NAV2: variants seen among roughly 807,000 people sequenced by gnomAD.
NAV2 encodes the protein neuron navigator 2, also known as helicase, APC down-regulated 1.
In NAV2, 54 loss-of-function variants were observed where a neutral mutation model predicts 223.2. That is an observed-to-expected ratio of 0.24 (90% CI 0.19 to 0.30). NAV2 has a LOEUF of 0.30. Ranked by LOEUF, NAV2 falls within the 10% of genes least tolerant of loss-of-function variation. The pLI is 1.00. For missense variants in NAV2, 2,806 were observed against 3,147.5 expected (o/e 0.89, Z 2.60); for synonymous variants, 1,279 against 1,239.3 (o/e 1.03, Z -0.67).
At chr11:20,110,700 C>T (rs1170834062) in intron 36 of NAV2, among the ~76,000 whole-genome samples, 1 of 152,004 alleles carries the variant, frequency 6.6e-6, no homozygotes, top group East Asian at 1.9e-4. Flanking sequence ...TGGAGTTCTC[C>T]CTATGATTTC....
intron 1 of NAV2, among the ~76,000 whole-genome samples, chr11:19,780,065 G>A (rs572695414): frequency 1.3e-5 from 2 of 152,192 alleles, no homozygotes; most frequent in Non-Finnish European, 2.9e-5. Flanking sequence ...CTTGCTTCAT[G>A]TTCTATTTTA....
intron 1 of NAV2, among the ~76,000 whole-genome samples, chr11:19,486,525 C>T (rs1175507035): frequency 6.6e-6 from 1 of 152,120 alleles, no homozygotes; most frequent in Non-Finnish European, 1.5e-5. Flanking sequence ...TAAGTTCTCA[C>T]GAGAACTGAT....
At chr11:19,638,415 C>T (rs2135541998) in intron 1 of NAV2, among the ~76,000 whole-genome samples, 1 of 152,306 alleles carries the variant, frequency 6.6e-6, no homozygotes, top group East Asian at 1.9e-4. Flanking sequence ...AGGAGTAAGA[C>T]ATATGTGGTG....
intron 6 of NAV2, among the ~76,000 whole-genome samples, chr11:19,909,694 G>C (rs988503560): frequency 6.6e-6 from 1 of 152,078 alleles, no homozygotes; most frequent in Non-Finnish European, 1.5e-5. Flanking sequence ...AGCAAGCTTG[G>C]TCTTTTTCTT....
intron 6 of NAV2, among the ~76,000 whole-genome samples, chr11:19,910,716 G>A (rs560691355): frequency 1.3e-5 from 2 of 152,224 alleles, no homozygotes; most frequent in African/African-American, 4.8e-5. Context: ...AAATTAGCCA[G>A]GCGTGGTGGT....
intron 1 of NAV2, among the ~76,000 whole-genome samples, chr11:19,820,327 A>C (rs2059306797): frequency 6.6e-6 from 1 of 152,258 alleles, no homozygotes. Flanking sequence ...GCATCTGATT[A>C]GTCAGTAACT....
chr11:19,761,416 A>G (rs2054722980), intron 1 of NAV2, among the ~76,000 whole-genome samples: 1 of 152,238 alleles, frequency 6.6e-6, no homozygotes. Flanking sequence ...TGATATGCTC[A>G]GGAGTGACAG....
chr11:19,473,569 G>A (rs920618639), intron 1 of NAV2, among the ~76,000 whole-genome samples: 1 of 152,108 alleles, frequency 6.6e-6, no homozygotes, highest in African/African-American at 2.4e-5. Flanking sequence ...GGTACAACCT[G>A]GAAGTTTTTC....
At chr11:19,937,247 G>A (rs1185973248) in intron 7 of NAV2, among the ~76,000 whole-genome samples, 1 of 152,112 alleles carries the variant, frequency 6.6e-6, no homozygotes, top group Non-Finnish European at 1.5e-5. Flanking sequence ...TGGAAAATGA[G>A]AAGATTGGAT....
chr11:19,510,514 C>A (rs1590367015), intron 1 of NAV2, among the ~76,000 whole-genome samples: 3 of 152,206 alleles, frequency 2.0e-5, no homozygotes, highest in Admixed American at 6.5e-5. Context: ...GCGATCCTAG[C>A]AGATGCCTCA....
intron 3 of NAV2, among the ~76,000 whole-genome samples, chr11:19,852,873 T>A (rs11025290): frequency 0.1 from 15,507 of 152,276 alleles, 882 homozygotes; most frequent in Admixed American, 0.14. Flanking sequence ...TGGAGTGATG[T>A]GACATATCAA....
At position 20,105,282 on chromosome 11, in the gene NAV2, G is replaced by T. The variant is rs2061945326; in HGVS notation, c.6645-249G>T. The stretch of plus-strand genomic sequence containing the variant: ...CTGTTTGATCCTGGAAAAGTTACAT[G>T]ACCTGTCTGTTCCTCAGCATTTCTG... On this transcript the variant is annotated intron_variant, in intron 34 of 37. Transcript: ENST00000349880. The T allele has an allele frequency of 2.8e-5, 11 of 393,786 alleles. No individual in the cohort carries two copies. In the South Asian group the frequency reaches 5.5e-4, roughly 20 times the overall value. 24.4% of individuals were successfully genotyped at this position (393,786 alleles called of 1,614,324 possible).
intron 1 of NAV2, among the ~76,000 whole-genome samples, chr11:19,692,309 C>A (rs903192057): frequency 1.2e-4 from 18 of 152,344 alleles, no homozygotes; most frequent in Non-Finnish European, 1.8e-4. Flanking sequence ...ATATGTACCC[C>A]CCGGAAACCC....
At chr11:19,590,692 G>C (rs1474867276) in intron 1 of NAV2, among the ~76,000 whole-genome samples, 3 of 152,158 alleles carry the variant, frequency 2.0e-5, no homozygotes, top group Admixed American at 1.3e-4. Context: ...AAGTGAGGAA[G>C]GTATTTGAGC....
chr11:19,423,230 T>A (rs9971434), intron 1 of NAV2, among the ~76,000 whole-genome samples: 136,512 of 152,290 alleles, frequency 0.9, 61,363 homozygotes, highest in East Asian at 0.93. Flanking sequence ...TTAACCTTTA[T>A]ACAGTGACAG....
intron 1 of NAV2, among the ~76,000 whole-genome samples, chr11:19,469,706 C>T (rs888536650): frequency 4.6e-5 from 7 of 152,180 alleles, no homozygotes; most frequent in Admixed American, 3.3e-4. Context: ...CACTGAAGTC[C>T]AAGCATCATT....
At chr11:19,355,068 T>C (rs1270210343) in intron 1 of NAV2, among the ~76,000 whole-genome samples, 3 of 152,322 alleles carry the variant, frequency 2.0e-5, no homozygotes, top group South Asian at 4.1e-4. Flanking sequence ...TATTGTTCAG[T>C]GCTCTAAGAA....
chr11:19,497,773 A>C (rs2042844280), intron 1 of NAV2, among the ~76,000 whole-genome samples: 1 of 152,174 alleles, frequency 6.6e-6, no homozygotes, highest in Non-Finnish European at 1.5e-5. Context: ...CGGTTAGCCC[A>C]GCTCTGTGCT....
intron 1 of NAV2, among the ~76,000 whole-genome samples, chr11:19,487,693 G>T (rs2042489595): frequency 6.6e-6 from 1 of 152,296 alleles, no homozygotes; most frequent in Non-Finnish European, 1.5e-5. Flanking sequence ...GCAAGGAACT[G>T]ATTCATGCCA....
Sources: gnomAD v4.1 joint callset for allele counts (sites outside exome capture counted in the v4.1 genomes callset) on GRCh38, gnomAD v4.1.1 for gene constraint, MANE v1.5 for transcripts, NCBI Gene and HGNC (gene_info 2026-07-23, HGNC 2026-07-21) for gene names.